SNX25: variants seen among roughly 807,000 people sequenced by gnomAD.
The protein encoded by SNX25 is sorting nexin-25.
In SNX25, 62 loss-of-function variants were observed where a neutral mutation model predicts 113.7. The observed-to-expected ratio is 0.55, with a 90% CI of 0.44 to 0.67. The LOEUF is 0.67. Ranked by LOEUF, SNX25 falls within the 30% of genes least tolerant of loss-of-function variation. The pLI, the probability that SNX25 is intolerant of heterozygous loss-of-function variation, is 0.00. For missense variants in SNX25, 1,014 were observed against 1,161.0 expected (o/e 0.87, Z 1.84); for synonymous variants, 421 against 436.2 (o/e 0.97, Z 0.43).
intron 7 of SNX25, among the ~76,000 whole-genome samples, chr4:185,312,977 G>A (rs2095043147): frequency 6.6e-6 from 1 of 152,176 alleles, no homozygotes; most frequent in Non-Finnish European, 1.5e-5. Context: ...TATTTGAAAG[G>A]TAAGACTTTG....
chr4:185,349,996 G>A (rs544077646), intron 13 of SNX25, among the ~76,000 whole-genome samples: 17 of 152,178 alleles, frequency 1.1e-4, no homozygotes, highest in Non-Finnish European at 1.8e-4. Context: ...TCTGAAAAAC[G>A]AATGAAGACT....
intron 15 of SNX25, among the ~76,000 whole-genome samples, chr4:185,357,000 G>A (rs1003054066): frequency 6.6e-6 from 1 of 152,132 alleles, no homozygotes; most frequent in Non-Finnish European, 1.5e-5. Context: ...CACACACGGG[G>A]AAAGACCTTC....
intron 5 of SNX25, among the ~76,000 whole-genome samples, chr4:185,276,916 C>T (rs559093813): frequency 1.9e-4 from 29 of 152,318 alleles, no homozygotes; most frequent in African/African-American, 7.0e-4. Context: ...TAAAAAGCCT[C>T]CTCTTGCCCT....
At chr4:185,263,738 A>G (rs11132299) in intron 3 of SNX25, among the ~76,000 whole-genome samples, 6 of 152,066 alleles carry the variant, frequency 3.9e-5, no homozygotes, top group African/African-American at 1.4e-4. Flanking sequence ...TTGCCTCCTC[A>G]TCTAGAACAT....
chr4:185,369,227 CTTT>C (rs35543353), intron 11 of SNX25, among the ~76,000 whole-genome samples: 6 of 100,914 alleles, frequency 5.9e-5, no homozygotes, highest in East Asian at 2.8e-4. Flanking sequence ...ATACAGAGAG[CTTT>C]TTTTTTTTTT....
At chr4:185,376,443 CTTTTTTT>C in the SNX25 span, among the ~76,000 whole-genome samples, 42 of 105,792 alleles carry the variant, frequency 4.0e-4, no homozygotes, top group Admixed American at 4.3e-4. Flanking sequence ...TGCCCAGCTA[CTTTTTTT>C]TTTTTTTTTT....
chr4:185,263,618 CTA>C (rs1325635417), intron 3 of SNX25, among the ~76,000 whole-genome samples: 6 of 152,180 alleles, frequency 3.9e-5, no homozygotes, highest in African/African-American at 1.2e-4. Flanking sequence ...CCTAAAGGTA[CTA>C]ATATGCACTA....
intron 1 of SNX25, among the ~76,000 whole-genome samples, chr4:185,237,204 A>G (rs1038036195): frequency 6.6e-6 from 1 of 152,200 alleles, no homozygotes; most frequent in Non-Finnish European, 1.5e-5. Flanking sequence ...TCCCTAAATG[A>G]TAACCTCTCA....
At chr4:185,213,970 G>A (rs140494391) in intron 1 of SNX25, among the ~76,000 whole-genome samples, 2 of 143,004 alleles carry the variant, frequency 1.4e-5, no homozygotes, top group Admixed American at 7.3e-5. Flanking sequence ...GTCTCGCTCT[G>A]TTGCTCAGAC....
At chr4:185,222,360 C>T (rs1740082822) in intron 1 of SNX25, among the ~76,000 whole-genome samples, 1 of 150,084 alleles carries the variant, frequency 6.7e-6, no homozygotes, top group African/African-American at 2.5e-5. Flanking sequence ...GGCAGGTATT[C>T]AGTGCCATAT....
intron 1 of SNX25, among the ~76,000 whole-genome samples, chr4:185,240,363 C>A (rs1743578504): frequency 6.6e-6 from 1 of 151,640 alleles, no homozygotes; most frequent in Non-Finnish European, 1.5e-5. Flanking sequence ...GCGCCTCTCA[C>A]CTCCCGGACG....
At chr4:185,331,572 G>A (rs1259985909) in intron 9 of SNX25, among the ~76,000 whole-genome samples, 5 of 152,168 alleles carry the variant, frequency 3.3e-5, no homozygotes, top group Admixed American at 2.6e-4. Context: ...CTTGAGGTCA[G>A]GAGTTCGAGA....
chr4:185,261,114 CTGTGTGTG>C (rs369434936), intron 3 of SNX25, among the ~76,000 whole-genome samples: 3,810 of 141,716 alleles, frequency 0.027, 67 homozygotes, highest in East Asian at 0.055. Context: ...CTGTCTGTCT[CTGTGTGTG>C]TGTGTGTGTG....
intron 2 of SNX25, among the ~76,000 whole-genome samples, chr4:185,254,890 C>A (rs898666265): frequency 2.0e-5 from 3 of 151,870 alleles, no homozygotes; most frequent in Non-Finnish European, 2.9e-5. Context: ...AGTGTTCTTT[C>A]ATTTCTCATT....
rs143713122 is a variant in SNX25 at position 185,279,836 on chromosome 4, C to CTT, written c.1092-8176_1092-8175insTT. Among the ~76,000 whole-genome samples the CTT allele has an allele frequency of 2.8e-3, 433 of 152,172 alleles. 14 individuals carry two copies. In the South Asian group the frequency reaches 0.055, roughly 19 times the overall value. On this transcript the variant is annotated intron_variant, in intron 5 of 18. Transcript: ENST00000652585. The stretch of plus-strand genomic sequence containing the variant: ...AATAATTTATTTTTAAGGAAATAAT[C>CTT]ATGTATGGACAGATTTCTCCAAGAA...
rs920292001 is a variant in SNX25, at chr4:185,268,513, T to C, written c.1091+1358T>C. Among the ~76,000 whole-genome samples the C allele has an allele frequency of 2.0e-5, 3 of 152,164 alleles. No homozygotes were observed. In the East Asian group the frequency reaches 5.8e-4, roughly 29 times the overall value. ...TGTTTCTCTACCCTTCTTTTTAATG[T>C]TCCCAAATGATAATATAGGGGAAAG... On this transcript the variant is annotated intron_variant, in intron 5 of 18. Transcript: ENST00000652585.
At chr4:185,331,752 G>T (rs2095196752) in intron 9 of SNX25, among the ~76,000 whole-genome samples, 1 of 152,186 alleles carries the variant, frequency 6.6e-6, no homozygotes, top group Non-Finnish European at 1.5e-5. Context: ...CTGCACTCCA[G>T]CCTGAGCAAC....
At chr4:185,233,515 TATC>T (rs565486680) in intron 1 of SNX25, among the ~76,000 whole-genome samples, 150 of 152,332 alleles carry the variant, frequency 9.8e-4, no homozygotes, top group African/African-American at 3.5e-3. Context: ...AGAATTTTTT[TATC>T]ATATAAACTT....
the SNX25 span, among the ~76,000 whole-genome samples, chr4:185,376,695 A>G: frequency 2.0e-5 from 3 of 152,166 alleles, no homozygotes; most frequent in Non-Finnish European, 2.9e-5. Flanking sequence ...CGACTCCCAT[A>G]AATGGCTTTC....
Sources: allele counts gnomAD v4.1 joint callset (sites outside exome capture counted in the v4.1 genomes callset), GRCh38; gene constraint gnomAD v4.1.1; transcripts MANE v1.5; gene names NCBI Gene and HGNC (gene_info 2026-07-23, HGNC 2026-07-21).